TRPA1: variants seen among roughly 807,000 people sequenced by gnomAD.
TRPA1 encodes the protein transient receptor potential cation channel subfamily A member 1.
TRPA1 carries 129 observed loss-of-function variants against 131.3 expected under a neutral mutation model. The ratio of observed to expected loss-of-function variants is 0.98; its 90% confidence interval spans 0.85 to 1.14. The LOEUF is 1.14. Ranked by LOEUF, TRPA1 falls within the 50% of genes most tolerant of loss-of-function variation. TRPA1 has a pLI of 0.00. For missense variants in TRPA1, 1,304 were observed against 1,354.2 expected (o/e 0.96, Z 0.58); for synonymous variants, 441 against 451.7 (o/e 0.98, Z 0.30).
chr8:72,065,363 A>C, intron 4 of TRPA1, 88 bp downstream of exon 4: 1 of 1,234,938 alleles, frequency 8.1e-7, no homozygotes, highest in East Asian at 2.6e-5. Context: ...CTAAGGAGAA[A>C]AACTTAAGAG....
chr8:72,039,157 A>C, intron 18 of TRPA1, 130 bp from the exon 19 acceptor site: 1 of 891,914 alleles, frequency 1.1e-6, no homozygotes, highest in Non-Finnish European at 1.8e-6. Flanking sequence ...CTTAAGATCA[A>C]GTAAATCTTC....
intron 17 of TRPA1, among the ~76,000 whole-genome samples, chr8:72,041,815 A>G (rs767061631): frequency 6.6e-6 from 1 of 151,764 alleles, no homozygotes; most frequent in Non-Finnish European, 1.5e-5. Flanking sequence ...AAGAAAGAAG[A>G]ACAGACTAAA....
At chr8:72,043,785 T>A (rs1305868255) in intron 17 of TRPA1, among the ~76,000 whole-genome samples, 2 of 151,876 alleles carry the variant, frequency 1.3e-5, no homozygotes, top group Admixed American at 1.3e-4. Flanking sequence ...CCCACTTACA[T>A]TTTGAAAAAG....
chr8:72,087,634 A>ATG, the TRPA1 span, among the ~76,000 whole-genome samples: 5,802 of 149,632 alleles, frequency 0.039, 383 homozygotes, highest in African/African-American at 0.13. Flanking sequence ...TCTATCAAAT[A>ATG]TATATATATA....
upstream of TRPA1, among the ~76,000 whole-genome samples, chr8:72,078,354 C>G (rs975321633): frequency 6.6e-6 from 1 of 152,076 alleles, no homozygotes; most frequent in African/African-American, 2.4e-5. Flanking sequence ...TTTAGAATAT[C>G]TCCATCAATC....
chr8:72,089,193 G>A, the TRPA1 span, among the ~76,000 whole-genome samples: 2 of 152,062 alleles, frequency 1.3e-5, no homozygotes, highest in South Asian at 4.2e-4. Context: ...TGAAGCAGTT[G>A]CCAAAATTTA....
At chr8:72,075,212 C>T (rs1439227881) in intron 1 of TRPA1, 87 bp downstream of exon 1, 6 of 1,083,936 alleles carry the variant, frequency 5.5e-6, no homozygotes, top group Non-Finnish European at 8.5e-6. Flanking sequence ...ACGCTTTCTC[C>T]AAACCAAGGG....
intron 21 of TRPA1, among the ~76,000 whole-genome samples, chr8:72,035,782 C>A (rs1812014938): frequency 6.6e-6 from 1 of 151,828 alleles, no homozygotes; most frequent in Admixed American, 6.6e-5. Flanking sequence ...ACAAGAATAG[C>A]CAATACTTTT....
intron 3 of TRPA1, 23 bp from the exon 4 acceptor site, chr8:72,065,581 G>C: frequency 6.2e-7 from 1 of 1,600,672 alleles, no homozygotes. Flanking sequence ...GAGAATAATT[G>C]TCAAAATTTT....
At chr8:72,058,366 AT>A (rs1301263949) in intron 8 of TRPA1, among the ~76,000 whole-genome samples, 1 of 152,192 alleles carries the variant, frequency 6.6e-6, no homozygotes, top group Non-Finnish European at 1.5e-5. Context: ...TTAAACATAT[AT>A]TTTTAAATGA....
In TRPA1 at chr8:72,059,705, G is replaced by A. The variant is rs532362715; in HGVS notation, c.945-267C>T. ...ACCTATTTTATCTTGTAAAATCACCGTAAAGATGTTTGAAGTGAGTAGTAA... is the reference window on the plus strand; with the variant it reads ...ACCTATTTTATCTTGTAAAATCACCATAAAGATGTTTGAAGTGAGTAGTAA... On this transcript the variant is annotated intron_variant, in intron 7 of 26. Transcript: ENST00000262209. Among the ~76,000 whole-genome samples, 475 of 152,194 alleles carry A rather than the reference G, an allele frequency of 3.1e-3. 1 individual carries two copies. The highest frequency in any genetic ancestry group is 6.0e-3 in the African/African-American group (249 of 41,538).
intron 24 of TRPA1, among the ~76,000 whole-genome samples, chr8:72,027,459 A>G (rs1290315480): frequency 1.3e-5 from 2 of 152,164 alleles, no homozygotes; most frequent in African/African-American, 2.4e-5. Context: ...CAGTGGAGAT[A>G]TAAATGTTTA....
upstream of TRPA1, among the ~76,000 whole-genome samples, chr8:72,079,228 C>T (rs961204595): frequency 1.9e-4 from 29 of 151,878 alleles, no homozygotes; most frequent in Admixed American, 5.9e-4. Flanking sequence ...AAAAGCAAAA[C>T]TTTTAATTTT....
intron 25 of TRPA1, among the ~76,000 whole-genome samples, chr8:72,024,658 T>C (rs976631030): frequency 5.9e-5 from 9 of 152,112 alleles, no homozygotes; most frequent in African/African-American, 1.4e-4. Flanking sequence ...CGTGAAAGCA[T>C]TGAAGTTTGG....
chr8:72,027,051 T>A (rs541505822), intron 24 of TRPA1, among the ~76,000 whole-genome samples: 1 of 152,308 alleles, frequency 6.6e-6, no homozygotes, highest in East Asian at 1.9e-4. Flanking sequence ...TTATTAATAA[T>A]ACCAGTTAAA....
chr8:72,064,444 A>G (rs1484140304), intron 4 of TRPA1, among the ~76,000 whole-genome samples: 2 of 151,984 alleles, frequency 1.3e-5, no homozygotes, highest in African/African-American at 2.4e-5. Context: ...ATTTTCAACA[A>G]TACTTTTCTT....
intron 23 of TRPA1, among the ~76,000 whole-genome samples, chr8:72,033,065 G>A (rs973534669): frequency 5.9e-5 from 9 of 152,208 alleles, no homozygotes; most frequent in Admixed American, 2.6e-4. Context: ...TCTGCTGATA[G>A]TGTCTAGGCT....
At chr8:72,080,333 A>T (rs971141839), upstream of TRPA1, among the ~76,000 whole-genome samples, 3 of 140,916 alleles carry the variant, frequency 2.1e-5, no homozygotes, top group African/African-American at 9.7e-5. Flanking sequence ...GTTTTTATCA[A>T]GAGTGGGTGT....
the TRPA1 span, among the ~76,000 whole-genome samples, chr8:72,086,321 T>G: frequency 1.3e-5 from 2 of 152,232 alleles, no homozygotes; most frequent in African/African-American, 4.8e-5. Flanking sequence ...TATAATAAGC[T>G]TAGGTCTTCC....
Sources: allele counts gnomAD v4.1 joint callset (sites outside exome capture counted in the v4.1 genomes callset), GRCh38; gene constraint gnomAD v4.1.1; transcripts MANE v1.5; gene names NCBI Gene and HGNC (gene_info 2026-07-23, HGNC 2026-07-21).